Variants in VEGFD observed in about 807,000 individuals in gnomAD.
The protein encoded by VEGFD is vascular endothelial growth factor D, also known as c-fos induced growth factor (vascular endothelial growth factor D).
A neutral mutation model predicts 28.0 loss-of-function variants in VEGFD; 26 were observed. The ratio of observed to expected loss-of-function variants is 0.93; its 90% CI spans 0.68 to 1.29. The LOEUF (loss-of-function observed/expected upper bound fraction) is 1.29, where lower values mean the gene tolerates loss of function less well. Ranked by LOEUF, VEGFD falls within the 50% of genes most tolerant of loss-of-function variation. The pLI is 0.00. For missense variants in VEGFD, 294 were observed against 273.4 expected (o/e 1.08, Z -0.53); for synonymous variants, 93 against 95.5 (o/e 0.97, Z 0.15).
intron 1 of VEGFD, among the ~76,000 whole-genome samples, chrX:15,370,194 G>A (rs1331931043): frequency 1.8e-5 from 2 of 111,484 alleles, no homozygotes; most frequent in African/African-American, 6.5e-5. Flanking sequence ...GTCATTTCTT[G>A]TTATCTGCTT....
chrX:15,379,328 A>G (rs1272673881), intron 1 of VEGFD, among the ~76,000 whole-genome samples: 2 of 111,865 alleles, frequency 1.8e-5, no homozygotes, highest in African/African-American at 3.3e-5. Context: ...TTGGTGCCCA[A>G]TAAATACCTG....
intron 1 of VEGFD, among the ~76,000 whole-genome samples, chrX:15,382,253 G>A (rs1923598325): frequency 9.0e-6 from 1 of 110,588 alleles, no homozygotes; most frequent in Non-Finnish European, 1.9e-5. Context: ...CCGGGAGGCA[G>A]AGGTTGCAGC....
intron 1 of VEGFD, among the ~76,000 whole-genome samples, chrX:15,376,543 T>C (rs1602231715): frequency 8.9e-6 from 1 of 112,295 alleles, no homozygotes; most frequent in South Asian, 3.7e-4. Context: ...AAAGGATCCT[T>C]ATGCAAAACT....
intron 1 of VEGFD, among the ~76,000 whole-genome samples, chrX:15,371,959 C>T (rs1318792508): frequency 2.7e-5 from 3 of 112,044 alleles, no homozygotes; most frequent in Non-Finnish European, 5.6e-5. Context: ...GTAGCCCTAA[C>T]ACACGGGATG....
rs777849249 is a variant in VEGFD, at chrX:15,372,372, G to A, written c.91-9053C>T. 1.4e-4 allele frequency among the ~76,000 whole-genome samples: 16 copies of A among 110,796 alleles called. No homozygotes were observed. In the South Asian group the frequency reaches 1.5e-3, roughly 10 times the overall value. The stretch of plus-strand genomic sequence containing the variant: ...ATCTATTTAGTTAGCACTTTGTATC[G>A]TTATATACAATTTACAATACATGTA... On this transcript the variant is annotated intron_variant, in intron 1 of 6. Coordinates refer to ENST00000297904, the MANE Select transcript of VEGFD (RefSeq NM_004469.5).
rs1374007465 is a variant in VEGFD at position 15,355,289 on chromosome X, T to G, written c.502A>C (p.Ile168Leu). 8.4e-7 allele frequency: 1 copy of G among 1,186,852 alleles called. No homozygotes were observed. Among genetic ancestry groups the G allele is most frequent in the Admixed American group, 2.4e-5 (1 of 42,378 alleles). Residue 168 changes from isoleucine (I) to leucine (L), a missense_variant, in exon 4 of 7, where the codon ATA (isoleucine) becomes CTA (leucine). Ile to Leu is a conservative substitution (Grantham distance 5). Transcript: ENST00000297904. ...TSYISKQLFE[I>L]SVPLTSVPEL... ...GGTACTGATGTCAAAGGCACTGATA[T>G]CTCAAAGAGCTACAGCAGAGAAAGA...
chrX:15,368,025 A>AG (rs1923201300), intron 1 of VEGFD, among the ~76,000 whole-genome samples: 5 of 102,408 alleles, frequency 4.9e-5, no homozygotes, highest in African/African-American at 1.9e-4. Context: ...AAAGAAAGAA[A>AG]GAAAGGAAAG....
In VEGFD at chrX:15,353,160, T is replaced by A; in HGVS notation, c.650A>T (p.His217Leu). Reference sequence around the variant, plus strand: ...GTCAATAGGACAGAGTTTCTTGGAATGGGAACAGCTAGGAAAAGAAAACAA... The same window carrying A: ...GTCAATAGGACAGAGTTTCTTGGAAAGGGAACAGCTAGGAAAAGAAAACAA... ...IQIPEEDRCS[H>L]SKKLCPIDML... is the part of the protein sequence containing the mutation. Residue 217 changes from histidine to leucine, a missense_variant, in exon 5 of 7, where the codon CAT becomes CTT. His to Leu is a moderately conservative substitution (Grantham distance 99). Transcript: ENST00000297904. 2.7e-6 allele frequency: 3 copies of A among 1,121,826 alleles called. No homozygotes were observed. The highest frequency in any genetic ancestry group is 3.6e-6 in the Non-Finnish European group (3 of 829,497). The allele number at this position is 1,121,826 out of a possible 1,213,427, so 92.5% of individuals were successfully genotyped here. A position where few individuals can be genotyped will look rare whatever the true frequency, so the allele number is the denominator to read the frequency against.
At chrX:15,347,000 C>T (rs967471676) in intron 6 of VEGFD, among the ~76,000 whole-genome samples, 164 bp downstream of exon 6, 1 of 111,556 alleles carries the variant, frequency 9.0e-6, no homozygotes, top group Non-Finnish European at 1.9e-5. Context: ...AATCATGACT[C>T]GGTATACTCT....
intron 1 of VEGFD, among the ~76,000 whole-genome samples, chrX:15,374,378 T>C (rs1420540862): frequency 1.8e-5 from 2 of 112,176 alleles, no homozygotes; most frequent in South Asian, 7.2e-4. Flanking sequence ...TACTCAGCAA[T>C]AAAAAGGAAT....
intron 1 of VEGFD, among the ~76,000 whole-genome samples, chrX:15,372,298 A>T (rs893104228): frequency 1.8e-5 from 2 of 111,885 alleles, no homozygotes; most frequent in African/African-American, 6.5e-5. Context: ...TCATGAACCC[A>T]TTGTGGAAAT....
At chrX:15,368,150 AAG>A (rs1265961795) in intron 1 of VEGFD, among the ~76,000 whole-genome samples, 1 of 109,779 alleles carries the variant, frequency 9.1e-6, no homozygotes, top group African/African-American at 3.3e-5. Context: ...AAAGGAGAGA[AAG>A]AGAAAGAAAG....
intron 5 of VEGFD, among the ~76,000 whole-genome samples, chrX:15,349,423 C>G (rs1402611698): frequency 8.9e-6 from 1 of 111,933 alleles, no homozygotes; most frequent in African/African-American, 3.3e-5. Flanking sequence ...CAGCAAGTAG[C>G]TGAGGGTGAT....
At chrX:15,380,103 T>C (rs1249854320) in intron 1 of VEGFD, among the ~76,000 whole-genome samples, 1 of 112,290 alleles carries the variant, frequency 8.9e-6, no homozygotes, top group Non-Finnish European at 1.9e-5. Flanking sequence ...AAGAAATTAA[T>C]GGGAAGTATT....
chrX:15,366,231 C>T (rs1474733749), intron 1 of VEGFD, among the ~76,000 whole-genome samples: 2 of 111,455 alleles, frequency 1.8e-5, no homozygotes, highest in Non-Finnish European at 3.8e-5. Context: ...AGGATGGTCT[C>T]GATCTCCTGA....
intron 6 of VEGFD, among the ~76,000 whole-genome samples, chrX:15,346,683 C>T (rs777615015): frequency 1.3e-4 from 15 of 112,038 alleles, no homozygotes; most frequent in Non-Finnish European, 2.4e-4. Flanking sequence ...CCTGTAATCC[C>T]AGCACTTTGG....
chrX:15,375,159 A>C (rs752527113), intron 1 of VEGFD, among the ~76,000 whole-genome samples: 2 of 111,849 alleles, frequency 1.8e-5, no homozygotes, highest in Admixed American at 1.9e-4. Flanking sequence ...AAAATTTTTT[A>C]AAAGACAACT....
chrX:15,372,747 C>T (rs1243345910), intron 1 of VEGFD, among the ~76,000 whole-genome samples: 1 of 111,895 alleles, frequency 8.9e-6, no homozygotes, highest in Non-Finnish European at 1.9e-5. Flanking sequence ...CATACAAGTC[C>T]ACTAGTCTTC....
intron 5 of VEGFD, among the ~76,000 whole-genome samples, chrX:15,350,429 T>TC (rs1447775823): frequency 1.3e-4 from 15 of 112,642 alleles, no homozygotes; most frequent in Non-Finnish European, 2.3e-4. Flanking sequence ...TAAGGCTACA[T>TC]CCCCTCTCCA....
Sources: gnomAD v4.1 joint callset for allele counts (sites outside exome capture counted in the v4.1 genomes callset) on GRCh38, gnomAD v4.1.1 for gene constraint, MANE v1.5 for transcripts, NCBI Gene and HGNC (gene_info 2026-07-23, HGNC 2026-07-21) for gene names.